Variants in FANCA observed in about 807,000 individuals in gnomAD.
FANCA encodes Fanconi anemia group A protein.
A neutral mutation model predicts 194.3 loss-of-function variants in FANCA; 236 were observed. The ratio of observed to expected loss-of-function variants is 1.21; its 90% CI spans 1.09 to 1.35. FANCA has a LOEUF of 1.35. FANCA is among the 40% of genes most tolerant of loss of function. The pLI, the probability that FANCA is intolerant of heterozygous loss-of-function variation, is 0.00. For missense variants in FANCA, 2,628 were observed against 1,813.9 expected (o/e 1.45, Z -8.15); for synonymous variants, 1,014 against 715.8 (o/e 1.42, Z -6.65).
chr16:89,805,529 A>G lies in FANCA; in HGVS notation c.597-137T>C, dbSNP rs547915129. On this transcript the variant is annotated intron_variant, in intron 6 of 42. Coordinates refer to ENST00000389301, the MANE Select transcript of FANCA (RefSeq NM_000135.4). ...GAGGCTGGAGTGCAGTGGCGCAATC[A>G]GTCACTGCACCCTCGACCTCCCAGG... 3.1e-4 allele frequency: 207 copies of G among 672,002 alleles called. 2 individuals are homozygous for G. The highest frequency in any genetic ancestry group is 4.9e-4 in the Non-Finnish European group (178 of 363,410). 41.6% of individuals were successfully genotyped at this position (672,002 alleles called of 1,614,324 possible).
intron 32 of FANCA, 59 bp from the exon 33 acceptor site, chr16:89,748,826 A>G: frequency 1.4e-6 from 2 of 1,423,268 alleles, no homozygotes; most frequent in Admixed American, 1.9e-5. Flanking sequence ...CTCCTTCCCA[A>G]GGGCTCAGAC....
At chr16:89,758,376 G>C (rs145552317) in intron 30 of FANCA, among the ~76,000 whole-genome samples, 147 of 152,286 alleles carry the variant, frequency 9.7e-4, no homozygotes, top group African/African-American at 3.2e-3. Context: ...AACGTGACTG[G>C]ACTGAAGGAT....
intron 18 of FANCA, 76 bp downstream of exon 18, chr16:89,779,793 T>C: frequency 8.1e-7 from 1 of 1,236,562 alleles, no homozygotes; most frequent in South Asian, 1.2e-5. Context: ...GAGCAGAGTC[T>C]GCACATACTG....
At chr16:89,748,565 C>G (rs2038470338) in intron 33 of FANCA, 94 bp downstream of exon 33, 1 of 982,826 alleles carries the variant, frequency 1.0e-6, no homozygotes, top group African/African-American at 1.6e-5. Flanking sequence ...CTCAGTAATT[C>G]ACACGGTCAG....
intron 37 of FANCA, among the ~76,000 whole-genome samples, chr16:89,741,563 C>CCTG (rs1317750414): frequency 6.6e-6 from 1 of 152,156 alleles, no homozygotes; most frequent in Non-Finnish European, 1.5e-5. Flanking sequence ...CCCTTGGCTC[C>CCTG]CTGCACAGAG....
chr16:89,746,166 C>G (rs535243919), intron 35 of FANCA, among the ~76,000 whole-genome samples: 15 of 152,264 alleles, frequency 9.9e-5, no homozygotes, highest in Admixed American at 3.3e-4. Context: ...GTCTCTGCTC[C>G]GAAGTCCCAA....
At chr16:89,785,905 A>G (rs1176457144) in intron 14 of FANCA, among the ~76,000 whole-genome samples, 1 of 129,530 alleles carries the variant, frequency 7.7e-6, no homozygotes, top group Non-Finnish European at 1.5e-5. Context: ...CCCAGGCTGG[A>G]GTGCAGTGGT....
chr16:89,781,398 G>A (rs1197987564), intron 17 of FANCA, among the ~76,000 whole-genome samples: 1 of 147,610 alleles, frequency 6.8e-6, no homozygotes, highest in East Asian at 2.0e-4. Flanking sequence ...AATACGCTGG[G>A]CACAGTGGCT....
chr16:89,758,534 T>C, intron 30 of FANCA, 43 bp downstream of exon 30: 1 of 1,606,138 alleles, frequency 6.2e-7, no homozygotes, highest in Non-Finnish European at 8.5e-7. Context: ...ATCCTATTAG[T>C]CCTGTCCCTC....
chr16:89,740,072 G>A lies in FANCA; in HGVS notation c.3856C>T (p.His1286Tyr), dbSNP rs200917877. 1 of 1,614,180 alleles carries A rather than the reference G, an allele frequency of 6.2e-7. No homozygotes were observed. The highest frequency in any genetic ancestry group is 2.2e-5 in the East Asian group (1 of 44,874). ...NSTTDLPKAFHVCAAILECLE... is the reference protein window; with the variant it reads ...NSTTDLPKAFYVCAAILECLE... Reference sequence around the variant, plus strand: ...CACTCGAGGATTGCTGCACAAACGTGGAAAGCCTTTGGCAGGTCTGTGGTG... The same window carrying A: ...CACTCGAGGATTGCTGCACAAACGTAGAAAGCCTTTGGCAGGTCTGTGGTG... Residue 1286 changes from histidine (H) to tyrosine (Y), a missense_variant, in exon 39 of 43, where the codon CAC becomes TAC. Physicochemically the swap from His to Tyr is moderately conservative, Grantham distance 83 (BLOSUM62 2). Coordinates refer to ENST00000389301, the MANE Select transcript of FANCA (RefSeq NM_000135.4).
rs371993688 is a variant in FANCA, at chr16:89,791,526, C to T, written c.1236G>A (p.Ala412=). Residue 412 remains alanine (A), a synonymous_variant, in exon 14 of 43, where the codon GCG becomes GCA. Coordinates refer to ENST00000389301, the MANE Select transcript of FANCA (RefSeq NM_000135.4). ...EAQQLLEDWV[A]RLMAQAFESC... ...TCTCGAATGCCTGGGCCATCAAACG[C>T]GCCACCCAGTCTAGTTAAGAACCAT... 2.0e-5 allele frequency: 32 copies of T among 1,613,966 alleles called. No homozygotes were observed. The highest frequency in any genetic ancestry group is 2.5e-5 in the Non-Finnish European group (29 of 1,180,030).
At chr16:89,791,610 T>C (rs1006529740) in intron 13 of FANCA, 74 bp from the exon 14 acceptor site, 26 of 1,593,934 alleles carry the variant, frequency 1.6e-5, no homozygotes, top group East Asian at 2.2e-5. Flanking sequence ...TTATGCTGGG[T>C]GATCAAGTAT....
At chr16:89,752,099 T>C (rs1259454978) in intron 31 of FANCA, 39 bp downstream of exon 31, 1 of 1,562,300 alleles carries the variant, frequency 6.4e-7, no homozygotes, top group African/African-American at 1.4e-5. Context: ...GCGGCTTAAA[T>C]GAAGTGAATG....
Position 89,739,500 on chromosome 16 carries a change from G to C in FANCA, c.3988C>G (p.Leu1330Val), listed in dbSNP as rs2062068855. ...TACCTGTAAAAAGCGAAAGGCAGCA[G>C]CCTGGTGTGCTGATCCGGGGCCACA... ...LRVAPDQHTR[L>V]LPFAFYSLLS... The change falls in exon 40 of 43, where the codon CTG becomes GTG. Residue 1330 changes from leucine (L) to valine (V), a missense_variant. Coordinates refer to ENST00000389301, the MANE Select transcript of FANCA (RefSeq NM_000135.4). The C allele has an allele frequency of 1.3e-6, 2 of 1,551,362 alleles. No individual in the cohort carries two copies. Among genetic ancestry groups the C allele is most frequent in the East Asian group, 4.9e-5 (2 of 40,956 alleles).
chr16:89,765,190 C>A, intron 27 of FANCA, 124 bp from the exon 28 acceptor site: 1 of 1,163,338 alleles, frequency 8.6e-7, no homozygotes, highest in Non-Finnish European at 1.2e-6. Flanking sequence ...TTCAGAGGAC[C>A]TCAGTCCAGC....
At chr16:89,805,480 T>C in intron 6 of FANCA, 88 bp from the exon 7 acceptor site, 1 of 1,022,302 alleles carries the variant, frequency 9.8e-7, no homozygotes, top group Non-Finnish European at 1.5e-6. Flanking sequence ...AATTTTTTTT[T>C]TGAGACAGTT....
At chr16:89,776,732 G>A (rs961389900) in intron 20 of FANCA, among the ~76,000 whole-genome samples, 1 of 152,062 alleles carries the variant, frequency 6.6e-6, no homozygotes, top group Non-Finnish European at 1.5e-5. Context: ...TTGGTAGGCT[G>A]AGGTGGGAGA....
In FANCA at chr16:89,778,848, G is replaced by T. The variant is rs1016801509; in HGVS notation, c.1779C>A (p.Leu593=). 3.7e-6 allele frequency: 6 copies of T among 1,613,946 alleles called. No homozygotes were observed. The highest frequency in any genetic ancestry group is 5.1e-6 in the Non-Finnish European group (6 of 1,180,022). ...FLPALLTPRV[L]PKVPDSRVAF... Reference sequence around the variant, plus strand: ...CCACACGGGAGTCAGGGACTTTGGGGAGCTGTGGGAAGAGAAGAGACCTGT... The same window carrying T: ...CCACACGGGAGTCAGGGACTTTGGGTAGCTGTGGGAAGAGAAGAGACCTGT... The change falls in exon 20 of 43, where the codon CTC becomes CTA. Residue 593 remains leucine, a splice_region_variant and synonymous_variant. Coordinates refer to ENST00000389301, the MANE Select transcript of FANCA (RefSeq NM_000135.4).
At chr16:89,799,663 C>G (rs772792825) in intron 8 of FANCA, 25 bp from the exon 9 acceptor site, 2 of 1,595,240 alleles carry the variant, frequency 1.3e-6, no homozygotes, top group Non-Finnish European at 1.7e-6. Context: ...TGTGAGTTAC[C>G]ATCTTGGTAA....
Sources: allele counts gnomAD v4.1 joint callset (sites outside exome capture counted in the v4.1 genomes callset), GRCh38; gene constraint gnomAD v4.1.1; transcripts MANE v1.5; gene names NCBI Gene and HGNC (gene_info 2026-07-23, HGNC 2026-07-21).